The following CSMD2 variants were observed in gnomAD, a reference collection of about 807,000 sequenced individuals.
The protein encoded by CSMD2 is CUB and sushi domain-containing protein 2.
A neutral mutation model predicts 398.5 loss-of-function variants in CSMD2; 130 were observed. The observed-to-expected ratio is 0.33, with a 90% confidence interval of 0.28 to 0.38. The LOEUF (loss-of-function observed/expected upper bound fraction) is 0.38, where lower values mean the gene tolerates loss of function less well. Ranked by LOEUF, CSMD2 falls within the 10% of genes least tolerant of loss-of-function variation. The pLI is 1.00. For missense variants in CSMD2, 3,829 were observed against 4,764.9 expected (o/e 0.80, Z 5.78); for synonymous variants, 1,828 against 1,908.5 (o/e 0.96, Z 1.10).
intron 1 of CSMD2, among the ~76,000 whole-genome samples, chr1:34,115,770 C>T (rs1661542104): frequency 6.6e-6 from 1 of 151,606 alleles, no homozygotes; most frequent in Non-Finnish European, 1.5e-5. Flanking sequence ...ATAATGAATA[C>T]AAAATTGTAA....
intron 3 of CSMD2, among the ~76,000 whole-genome samples, chr1:34,020,956 G>A (rs1336896890): frequency 6.6e-6 from 1 of 152,218 alleles, no homozygotes; most frequent in East Asian, 1.9e-4. Context: ...GCATCCACAG[G>A]GGAAGGACAG....
chr1:33,563,492 T>C (rs532993771), intron 53 of CSMD2, among the ~76,000 whole-genome samples: 4 of 152,254 alleles, frequency 2.6e-5, no homozygotes, highest in Non-Finnish European at 4.4e-5. Context: ...CTATCATCTC[T>C]GCAGAATAGA....
At chr1:33,758,745 G>A (rs1649390203) in intron 13 of CSMD2, among the ~76,000 whole-genome samples, 1 of 152,298 alleles carries the variant, frequency 6.6e-6, no homozygotes, top group East Asian at 1.9e-4. Flanking sequence ...GCTTAGTCTT[G>A]CAATTTACTT....
chr1:33,917,636 T>G (rs1643793421), intron 5 of CSMD2, among the ~76,000 whole-genome samples: 1 of 152,198 alleles, frequency 6.6e-6, no homozygotes, highest in Non-Finnish European at 1.5e-5. Context: ...CATAATGCCT[T>G]TCTGATGTAT....
chr1:33,739,903 C>T (rs901158895), intron 14 of CSMD2, among the ~76,000 whole-genome samples: 2 of 152,138 alleles, frequency 1.3e-5, no homozygotes, highest in Admixed American at 1.3e-4. Context: ...CTCACTCTAC[C>T]CAGGCAATTG....
chr1:33,605,428 T>A lies in CSMD2; in HGVS notation c.6386A>T (p.Asn2129Ile). Reference sequence around the variant, plus strand: ...GTAGCCAGCTCCCCTCACAATGCCATTGGCAAAGGGCTCTGGGTCTGGGCA... The same window carrying A: ...GTAGCCAGCTCCCCTCACAATGCCAATGGCAAAGGGCTCTGGGTCTGGGCA... ...QECPDPEPFA[N>I]GIVRGAGYNV... Residue 2129 changes from asparagine to isoleucine, a missense_variant, in exon 42 of 71, where the codon AAT (asparagine) becomes ATT (isoleucine). By Grantham distance (149) the Asn-to-Ile change is moderately radical (BLOSUM62 -3). This residue lies in a region of CSMD2 where 2,001 missense variants were observed against 2,567.1 expected (regional missense o/e 0.78). Transcript: ENST00000373381. 1 of 1,614,146 alleles carries A rather than the reference T, an allele frequency of 6.2e-7. No individual in the cohort carries two copies.
intron 65 of CSMD2, among the ~76,000 whole-genome samples, chr1:33,526,827 C>T (rs546402056): frequency 6.6e-6 from 1 of 152,230 alleles, no homozygotes; most frequent in Admixed American, 6.5e-5. Flanking sequence ...TGGAAAGACC[C>T]CAGACCTATC....
intron 25 of CSMD2, among the ~76,000 whole-genome samples, chr1:33,672,268 C>A (rs1021647431): frequency 2.0e-5 from 3 of 152,214 alleles, no homozygotes; most frequent in Admixed American, 6.5e-5. Context: ...GTCACTCCCA[C>A]CCTAATACTG....
chr1:33,653,254 G>C (rs1196933724), intron 27 of CSMD2, among the ~76,000 whole-genome samples: 2 of 152,164 alleles, frequency 1.3e-5, no homozygotes, highest in Non-Finnish European at 2.9e-5. Flanking sequence ...TTGATAGACG[G>C]AGCCGGCACT....
At chr1:33,707,681 A>ACATG in intron 22 of CSMD2, among the ~76,000 whole-genome samples, 1 of 75,642 alleles carries the variant, frequency 1.3e-5, no homozygotes, top group Non-Finnish European at 2.4e-5. Context: ...GCACGCGTGC[A>ACATG]CACGCGCGCG....
intron 1 of CSMD2, among the ~76,000 whole-genome samples, chr1:34,153,918 G>C (rs1331138334): frequency 6.6e-6 from 1 of 152,150 alleles, no homozygotes; most frequent in African/African-American, 2.4e-5. Flanking sequence ...AAGCATTTCT[G>C]TCCAACGAAA....
chr1:33,654,297 T>C (rs564076442), intron 27 of CSMD2, among the ~76,000 whole-genome samples: 3 of 152,344 alleles, frequency 2.0e-5, no homozygotes, highest in South Asian at 2.1e-4. Flanking sequence ...TCCTGATTTA[T>C]AAAGGAGGAA....
At chr1:33,583,012 T>C (rs1369866830) in intron 47 of CSMD2, among the ~76,000 whole-genome samples, 1 of 152,218 alleles carries the variant, frequency 6.6e-6, no homozygotes, top group Non-Finnish European at 1.5e-5. Flanking sequence ...CTCTCTGTCA[T>C]AACCGAGTAT....
In CSMD2 at chr1:33,724,317, CAGA is replaced by C. The variant is rs1646453891; in HGVS notation, c.2885-7_2885-5del. The C allele has an allele frequency of 7.5e-6, 12 of 1,609,122 alleles. No homozygotes were observed. The highest frequency in any genetic ancestry group is 1.0e-5 in the Non-Finnish European group (12 of 1,176,040). ...TGAATGAAGCCACCACAGAGAGCTA[CAGA>C]AGGAGTGAAGAGGGCAGTGAAAGAC... On this transcript the variant is annotated splice_polypyrimidine_tract_variant and splice_region_variant and intron_variant, in intron 18 of 70. Transcript: ENST00000373381.
intron 12 of CSMD2, among the ~76,000 whole-genome samples, chr1:33,780,183 C>A (rs1652540934): frequency 6.6e-6 from 1 of 152,160 alleles, no homozygotes; most frequent in Admixed American, 6.5e-5. Context: ...AAGCCCAGTG[C>A]CTTATGCATA....
chr1:33,530,946 G>A (rs1655177167), intron 64 of CSMD2, among the ~76,000 whole-genome samples: 1 of 152,020 alleles, frequency 6.6e-6, no homozygotes, highest in African/African-American at 2.4e-5. Flanking sequence ...GGGCTAGGGT[G>A]GGGTGGTACT....
At chr1:33,906,568 G>T (rs1436633236) in intron 5 of CSMD2, among the ~76,000 whole-genome samples, 3 of 152,170 alleles carry the variant, frequency 2.0e-5, no homozygotes, top group Non-Finnish European at 2.9e-5. Context: ...GAGAGAGAGG[G>T]ATTAAATAGG....
In CSMD2 at chr1:33,832,358, G is replaced by A. The variant is rs533700653; in HGVS notation, c.1034-6584C>T. Among the ~76,000 whole-genome samples the A allele has an allele frequency of 6.1e-3, 917 of 150,636 alleles. 8 individuals are homozygous for A. The highest frequency in any genetic ancestry group is 0.022 in the African/African-American group (879 of 40,722). On this transcript the variant is annotated intron_variant, in intron 6 of 70. Transcript: ENST00000373381. The stretch of plus-strand genomic sequence containing the variant: ...AAACTAGAACTCAGGATTCAGAAAC[G>A]GACTCAAAACCGCTCAACTACGTGG...
intron 1 of CSMD2, among the ~76,000 whole-genome samples, chr1:34,120,092 A>T (rs1207518294): frequency 1.3e-5 from 2 of 152,236 alleles, no homozygotes; most frequent in Admixed American, 6.5e-5. Flanking sequence ...CTCCACCTTT[A>T]AAAAAGGAAG....
Sources: gnomAD v4.1 joint callset for allele counts (sites outside exome capture counted in the v4.1 genomes callset) on GRCh38, gnomAD v4.1.1 for gene constraint, gnomAD v4.1.1 regional missense constraint, MANE v1.5 for transcripts, NCBI Gene and HGNC (gene_info 2026-07-23, HGNC 2026-07-21) for gene names.